The following CILP variants were observed in gnomAD, a reference collection of about 807,000 sequenced individuals.
CILP encodes the protein cartilage intermediate layer protein, also known as cartilage intermediate layer protein 1.
CILP carries 75 observed loss-of-function variants against 82.5 expected under a neutral mutation model. That is an observed-to-expected ratio of 0.91 (90% CI 0.75 to 1.10). The LOEUF is 1.10. Among genes scored for constraint, CILP ranks in the 50% least tolerant of loss-of-function variants. The pLI, the probability that CILP is intolerant of heterozygous loss-of-function variation, is 0.00. For missense variants in CILP, 1,479 were observed against 1,530.8 expected, an observed-to-expected ratio of 0.97 and a Z score of 0.56; for synonymous variants, 530 against 580.3, an observed-to-expected ratio of 0.91 and a Z score of 1.25.
Position 65,197,542 on chromosome 15 carries a change from T to G in CILP, c.2744A>C (p.Tyr915Ser), listed in dbSNP as rs34908405. ...GTCATATCGATCCCCCTCAATCTGG[T>G]AGAACCGGAAGTGGGCTGCACTGGG... is the stretch of plus-strand genomic sequence containing the variant. The part of the protein sequence containing the change: ...APPSAAHFRF[Y>S]QIEGDRYDYN... The change falls in exon 9 of 9, where the codon TAC (tyrosine) becomes TCC (serine). Residue 915 changes from tyrosine to serine, a missense_variant. Transcript: ENST00000261883. 3.7e-3 allele frequency: 5,945 copies of G among 1,614,188 alleles called. 19 individuals carry two copies. The highest frequency in any genetic ancestry group is 4.5e-3 in the Non-Finnish European group (5,284 of 1,180,046).
chr15:65,201,547 G>GTA (rs2088452179), intron 8 of CILP, among the ~76,000 whole-genome samples: 2 of 151,782 alleles, frequency 1.3e-5, no homozygotes, highest in Non-Finnish European at 2.9e-5. Flanking sequence ...TGGCCAACAT[G>GTA]GCGAAACACC....
chr15:65,205,392 G>C lies in CILP; in HGVS notation c.499C>G (p.Gln167Glu), dbSNP rs757308888. Reference sequence around the variant, plus strand: ...CGTGTGCGAGTCTGGACCCCAGTCTGACCACAGGCAGCTGAGCACTTGCTC... The same window carrying C: ...CGTGTGCGAGTCTGGACCCCAGTCTCACCACAGGCAGCTGAGCACTTGCTC... ...PWSKCSAACGQTGVQTRTRIC... is the reference protein window; with the variant it reads ...PWSKCSAACGETGVQTRTRIC... Residue 167 changes from glutamine (Q) to glutamate (E), a missense_variant, in exon 5 of 9, where the codon CAG becomes GAG. Coordinates refer to ENST00000261883, the MANE Select transcript of CILP (RefSeq NM_003613.4). The C allele has an allele frequency of 1.9e-6, 3 of 1,614,086 alleles. No individual in the cohort carries two copies. The East Asian group carries it at 6.7e-5, about 36-fold the overall frequency.
intron 3 of CILP, among the ~76,000 whole-genome samples, 153 bp from the exon 4 acceptor site, chr15:65,207,204 C>G (rs970473708): frequency 6.6e-5 from 10 of 152,162 alleles, no homozygotes; most frequent in Non-Finnish European, 7.3e-5. Flanking sequence ...ACTGCTGAGG[C>G]CTCCATTCAA....
Position 65,198,905 on chromosome 15 carries a change from C to G in CILP, c.1381G>C (p.Glu461Gln). The G allele has an allele frequency of 6.2e-7, 1 of 1,614,120 alleles. No individual in the cohort carries two copies. Among genetic ancestry groups the G allele is most frequent in the African/African-American group, 1.3e-5 (1 of 75,052 alleles). ...VQNCCGISKT[E>Q]EREIQCSGYT... ...CCACTGCACTGGATCTCCCTTTCCTCTGTCTTGGAGATGCCACAGCAGTTC... is the reference window on the plus strand; with the variant it reads ...CCACTGCACTGGATCTCCCTTTCCTGTGTCTTGGAGATGCCACAGCAGTTC... The change falls in exon 9 of 9, where the codon GAG (glutamate) becomes CAG (glutamine). Residue 461 changes from glutamate to glutamine, a missense_variant. By Grantham distance (29) the Glu-to-Gln change is conservative (BLOSUM62 2). Coordinates refer to ENST00000261883, the MANE Select transcript of CILP (RefSeq NM_003613.4).
At chr15:65,206,298 C>T (rs1205986029) in intron 4 of CILP, among the ~76,000 whole-genome samples, 1 of 152,174 alleles carries the variant, frequency 6.6e-6, no homozygotes, top group Non-Finnish European at 1.5e-5. Flanking sequence ...TAGAAACTAA[C>T]ACTCAGTGAG....
At chr15:65,207,991 C>T (rs1235867241) in intron 2 of CILP, among the ~76,000 whole-genome samples, 1 of 152,164 alleles carries the variant, frequency 6.6e-6, no homozygotes, top group Non-Finnish European at 1.5e-5. Flanking sequence ...TCCTAGGGTC[C>T]TGGTGCATTA....
rs2088509556 is a variant in CILP at position 65,205,477 on chromosome 15, A to G, written c.425-11T>C. The G allele has an allele frequency of 1.3e-6, 2 of 1,587,206 alleles. No homozygotes were observed. The highest frequency in any genetic ancestry group is 1.7e-6 in the Non-Finnish European group (2 of 1,160,492). Reference sequence around the variant, plus strand: ...CTCGGCGCAGGGATCCTGCAAAGTGAGATCAGCAGACGGTCTGATTTCCCT... The same window carrying G: ...CTCGGCGCAGGGATCCTGCAAAGTGGGATCAGCAGACGGTCTGATTTCCCT... On this transcript the variant is annotated splice_polypyrimidine_tract_variant and intron_variant, in intron 4 of 8. Transcript: ENST00000261883.
chr15:65,207,801 G>T (rs917471793), intron 2 of CILP, 37 bp from the exon 3 acceptor site: 7 of 1,560,586 alleles, frequency 4.5e-6, no homozygotes, highest in Non-Finnish European at 5.3e-6. Flanking sequence ...GAGAGGCCAG[G>T]ACTGGAAGTT....
rs1279125444 is a variant in CILP, at chr15:65,209,702, A to G, written c.54T>C (p.Ser18=). 4 of 1,614,084 alleles carry G rather than the reference A, an allele frequency of 2.5e-6. No individual in the cohort carries two copies. The highest frequency in any genetic ancestry group is 1.7e-5 in the Admixed American group (1 of 60,014). Residue 18 remains serine, a synonymous_variant, in exon 2 of 9, where the codon TCT becomes TCC. Transcript: ENST00000261883. ...CAGATACTTAGCCTATACCCAACAC[A>G]GATGTGACTTCCAGGACCAGGAAGG... ...VFSFLVLEVT[S]VLGRQTMLTQ...
intron 8 of CILP, among the ~76,000 whole-genome samples, chr15:65,200,266 G>A (rs1399921909): frequency 1.3e-5 from 2 of 152,282 alleles, no homozygotes; most frequent in Non-Finnish European, 2.9e-5. Context: ...GAATAATAAA[G>A]TAGTATTAAA....
rs1271262036 is a variant in CILP, at chr15:65,205,356, C to T, written c.535G>A (p.Ala179Thr). The T allele has an allele frequency of 1.2e-6, 2 of 1,614,126 alleles. No individual in the cohort carries two copies. The highest frequency in any genetic ancestry group is 1.7e-6 in the Non-Finnish European group (2 of 1,180,032). Residue 179 changes from alanine to threonine, a missense_variant, in exon 5 of 9, where the codon GCA (alanine) becomes ACA (threonine). Physicochemically the swap from Ala to Thr is moderately conservative, Grantham distance 58. Coordinates refer to ENST00000261883, the MANE Select transcript of CILP (RefSeq NM_003613.4). ...GVQTRTRICLAEMVSLCSEAS... is the reference protein window; with the variant it reads ...GVQTRTRICLTEMVSLCSEAS... Reference sequence around the variant, plus strand: ...TCACTGCACAGCGACACCATCTCTGCCAAGCAAATGCGTGTGCGAGTCTGG... The same window carrying T: ...TCACTGCACAGCGACACCATCTCTGTCAAGCAAATGCGTGTGCGAGTCTGG...
At chr15:65,210,707 G>A (rs944034389) in intron 1 of CILP, among the ~76,000 whole-genome samples, 1 of 152,216 alleles carries the variant, frequency 6.6e-6, no homozygotes, top group Non-Finnish European at 1.5e-5. Flanking sequence ...CCAGGGTGTG[G>A]TAGGAAAGGG....
At position 65,198,871 on chromosome 15, in the gene CILP, A is replaced by T; in HGVS notation, c.1415T>A (p.Leu472Gln). 6.2e-7 allele frequency: 1 copy of T among 1,614,092 alleles called. No individual in the cohort carries two copies. The highest frequency in any genetic ancestry group is 8.5e-7 in the Non-Finnish European group (1 of 1,180,032). ...GCACTCCTTGGCCACCTTGGTGGGT[A>T]GCGTGTAGCCACTGCACTGGATCTC... ...EREIQCSGYT[L>Q]PTKVAKECSC... Residue 472 changes from leucine (L) to glutamine (Q), a missense_variant, in exon 9 of 9, where the codon CTA (leucine) becomes CAA (glutamine). Physicochemically the swap from Leu to Gln is moderately radical, Grantham distance 113. Transcript: ENST00000261883.
chr15:65,201,922 T>C lies in CILP; in HGVS notation c.1136A>G (p.Gln379Arg), dbSNP rs371735478. Reference sequence around the variant, plus strand: ...GGACTTCACAGCCCCAGCATCACTCTGGGCCTTGCAAAAGTACTCCCCAGC... The same window carrying C: ...GGACTTCACAGCCCCAGCATCACTCCGGGCCTTGCAAAAGTACTCCCCAGC... Reference protein sequence around the residue: ...HQAGEYFCKAQSDAGAVKSKV... With the variant: ...HQAGEYFCKARSDAGAVKSKV... The change falls in exon 8 of 9, where the codon CAG becomes CGG. Residue 379 changes from glutamine to arginine, a missense_variant. Gln to Arg is a conservative substitution (Grantham distance 43). Transcript: ENST00000261883. The C allele has an allele frequency of 8.1e-5, 130 of 1,609,222 alleles. No homozygotes were observed. The highest frequency in any genetic ancestry group is 1.0e-4 in the Non-Finnish European group (120 of 1,178,284).
In CILP at chr15:65,198,398, G is replaced by A. The variant is rs530704700; in HGVS notation, c.1888C>T (p.Arg630Trp). Residue 630 changes from arginine to tryptophan, a missense_variant, in exon 9 of 9, where the codon CGG becomes TGG. Transcript: ENST00000261883. ...VKASVTFLDP[R>W]NISTATAAQT... ...GCAGCTGTGGCTGTGGAAATATTCC[G>A]GGGATCCAGGAAGGTCACACTGGCC... 2.7e-4 allele frequency: 431 copies of A among 1,614,196 alleles called. 10 individuals are homozygous for A. The South Asian group carries it at 3.9e-3, about 15-fold the overall frequency.
chr15:65,200,430 C>G (rs1022063527), intron 8 of CILP, among the ~76,000 whole-genome samples: 1 of 125,762 alleles, frequency 8.0e-6, no homozygotes, highest in African/African-American at 3.1e-5. Flanking sequence ...CAGGATCCTT[C>G]CAATACATTC....
At chr15:65,209,927 T>C (rs1489632178) in intron 1 of CILP, 66 bp from the exon 2 acceptor site, 2 of 605,720 alleles carry the variant, frequency 3.3e-6, no homozygotes, top group African/African-American at 3.7e-5. Context: ...CAAGCAGAAA[T>C]ATTTCTTGAC....
intron 7 of CILP, 137 bp from the exon 8 acceptor site, chr15:65,202,166 T>C (rs1390719627): frequency 1.4e-6 from 1 of 698,342 alleles, no homozygotes; most frequent in Non-Finnish European, 2.2e-6. Context: ...TTGACTTGGC[T>C]CATCCAAGAG....
chr15:65,197,060 T>A lies in CILP; in HGVS notation c.3226A>T (p.Ile1076Phe). ...GGGTCCTGGTCAGTGACAGTGTAGATGCCATAGTTGTGGCCCAGTGGGTCC... is the reference window on the plus strand; with the variant it reads ...GGGTCCTGGTCAGTGACAGTGTAGAAGCCATAGTTGTGGCCCAGTGGGTCC... ...PLDPLGHNYG[I>F]YTVTDQDPRT... Residue 1076 changes from isoleucine (I) to phenylalanine (F), a missense_variant, in exon 9 of 9, where the codon ATC becomes TTC. Ile to Phe is a conservative substitution (Grantham distance 21). Coordinates refer to ENST00000261883, the MANE Select transcript of CILP (RefSeq NM_003613.4). 3.7e-6 allele frequency: 6 copies of A among 1,614,168 alleles called. No homozygotes were observed. Among genetic ancestry groups the A allele is most frequent in the Non-Finnish European group, 5.1e-6 (6 of 1,180,042 alleles).
Sources: allele counts gnomAD v4.1 joint callset (sites outside exome capture counted in the v4.1 genomes callset), GRCh38; gene constraint gnomAD v4.1.1; transcripts MANE v1.5; gene names NCBI Gene and HGNC (gene_info 2026-07-23, HGNC 2026-07-21).